The following MGMT variants were observed in gnomAD, a reference collection of about 807,000 sequenced individuals.
MGMT encodes methylated-DNA--protein-cysteine methyltransferase.
A neutral mutation model predicts 15.9 loss-of-function variants in MGMT; 14 were observed. The observed-to-expected ratio is 0.88, with a 90% CI of 0.58 to 1.37. MGMT has a LOEUF of 1.37. MGMT is among the 40% of genes most tolerant of loss of function. MGMT has a pLI of 0.00. For synonymous variants in MGMT, 130 were observed against 118.2 expected, an observed-to-expected ratio of 1.10 and a Z score of -0.65; for missense variants, 282 against 268.1, an observed-to-expected ratio of 1.05 and a Z score of -0.36.
intron 2 of MGMT, among the ~76,000 whole-genome samples, chr10:129,627,771 G>A (rs545702765): frequency 1.3e-5 from 2 of 152,300 alleles, no homozygotes; most frequent in East Asian, 3.9e-4. Flanking sequence ...ACACTCGACT[G>A]TCATCTAAGT....
intron 2 of MGMT, among the ~76,000 whole-genome samples, chr10:129,594,996 A>G (rs1174970203): frequency 6.6e-6 from 1 of 151,744 alleles, no homozygotes; most frequent in African/African-American, 2.4e-5. Flanking sequence ...GCAGCGCCCC[A>G]CGTCTCACGG....
At position 129,768,685 on chromosome 10, in the gene MGMT, G is replaced by A. The variant is rs1238723845; in HGVS notation, c.*1688G>A. ...GCAGCAGCTTGGGGCCTGGTGGCCC[G>A]GGTGTGCGAGCCGCGAGTGCTTTCC... On this transcript the variant is annotated 3_prime_UTR_variant, in exon 5 of 5. Transcript: ENST00000651593. Among the ~76,000 whole-genome samples the A allele has an allele frequency of 6.6e-6, 1 of 152,220 alleles. No individual in the cohort carries two copies. The highest frequency in any genetic ancestry group is 1.5e-5 in the Non-Finnish European group (1 of 68,046).
chr10:129,584,691 T>C (rs1213523518), intron 2 of MGMT, among the ~76,000 whole-genome samples: 1 of 152,150 alleles, frequency 6.6e-6, no homozygotes, highest in African/African-American at 2.4e-5. Flanking sequence ...TGTCTGTGTC[T>C]GTGGTTTTCC....
chr10:129,614,275 A>G (rs1015757317), intron 2 of MGMT, among the ~76,000 whole-genome samples: 1 of 152,160 alleles, frequency 6.6e-6, no homozygotes, highest in Admixed American at 6.5e-5. Context: ...CTCAGGCTGG[A>G]TATGGGCTCT....
At chr10:129,739,300 T>C (rs1462447931) in intron 3 of MGMT, among the ~76,000 whole-genome samples, 3 of 152,310 alleles carry the variant, frequency 2.0e-5, no homozygotes, top group East Asian at 3.9e-4. Context: ...AAGTTCTGGC[T>C]AGGGCAATCA....
At chr10:129,611,744 G>T (rs932330344) in intron 2 of MGMT, among the ~76,000 whole-genome samples, 5 of 152,170 alleles carry the variant, frequency 3.3e-5, no homozygotes, top group African/African-American at 9.7e-5. Context: ...TGCGCTCTGG[G>T]GGGGCCATAA....
Position 129,699,552 on chromosome 10 carries a change from T to C in MGMT, c.126-8343T>C, listed in dbSNP as rs144149374. Among the ~76,000 whole-genome samples, 9 of 152,256 alleles carry C rather than the reference T, an allele frequency of 5.9e-5. No individual in the cohort carries two copies. The East Asian group carries it at 1.7e-3, about 29-fold the overall frequency. On this transcript the variant is annotated intron_variant, in intron 2 of 4. Transcript: ENST00000651593. ...AAATGGCCTCTTTCTCCTCTTCACA[T>C]TATTGACATTAGTACATGAACCCGT...
rs143479844 is a variant in MGMT, at chr10:129,770,073, A to G, written c.*3076A>G. ...TCGGGTGGCTGGATGATGTGCTAGCAACTGAAACCATCTCTGCGACTTAAG... is the reference window on the plus strand; with the variant it reads ...TCGGGTGGCTGGATGATGTGCTAGCGACTGAAACCATCTCTGCGACTTAAG... On this transcript the variant is annotated 3_prime_UTR_variant, in exon 5 of 5. Transcript: ENST00000651593. 6.6e-6 allele frequency among the ~76,000 whole-genome samples: 1 copy of G among 152,248 alleles called. No homozygotes were observed. Among genetic ancestry groups the G allele is most frequent in the Admixed American group, 6.5e-5 (1 of 15,286 alleles).
chr10:129,628,574 A>G (rs550385453), intron 2 of MGMT, among the ~76,000 whole-genome samples: 4 of 152,162 alleles, frequency 2.6e-5, no homozygotes, highest in African/African-American at 7.2e-5. Flanking sequence ...CCTGAACAGA[A>G]TCATTTGGCA....
At chr10:129,677,656 C>T (rs1847800834) in intron 2 of MGMT, among the ~76,000 whole-genome samples, 1 of 152,246 alleles carries the variant, frequency 6.6e-6, no homozygotes, top group African/African-American at 2.4e-5. Context: ...CCTCCTCGTC[C>T]CTGCTCTAAC....
chr10:129,768,031 G>A lies in MGMT; in HGVS notation c.*1034G>A, dbSNP rs1328356280. 2 of 152,250 alleles carry A rather than the reference G, an allele frequency of 1.3e-5. No homozygotes were observed. Among genetic ancestry groups the A allele is most frequent in the East Asian group, 1.9e-4 (1 of 5,194 alleles). The allele number at this position is 152,250 out of a possible 1,614,324, so 9.4% of individuals were successfully genotyped here. A position where few individuals can be genotyped will look rare whatever the true frequency, so the allele number is the denominator to read the frequency against. On this transcript the variant is annotated 3_prime_UTR_variant, in exon 5 of 5. Coordinates refer to ENST00000651593, the MANE Select transcript of MGMT (RefSeq NM_002412.5). ...GGAGAAATAAAACAGAGCATATGAT[G>A]TATAGAGAAAATGAACTGCACCCAG...
At chr10:129,734,461 C>A (rs904141199) in intron 3 of MGMT, among the ~76,000 whole-genome samples, 10 of 150,998 alleles carry the variant, frequency 6.6e-5, no homozygotes, top group African/African-American at 2.4e-4. Context: ...AGATTTTGGG[C>A]TGAGACAGTG....
At chr10:129,763,228 A>AGAC (rs1156671399) in intron 4 of MGMT, among the ~76,000 whole-genome samples, 1 of 152,232 alleles carries the variant, frequency 6.6e-6, no homozygotes, top group Non-Finnish European at 1.5e-5. Flanking sequence ...GATAAAAATT[A>AGAC]CATTTTATGC....
At chr10:129,569,704 G>A (rs1321269469) in intron 2 of MGMT, among the ~76,000 whole-genome samples, 1 of 152,154 alleles carries the variant, frequency 6.6e-6, no homozygotes, top group Admixed American at 6.5e-5. Context: ...CTGACCTTGT[G>A]CATCAGGGAG....
intron 2 of MGMT, among the ~76,000 whole-genome samples, chr10:129,619,707 A>C (rs377690497): frequency 1.7e-3 from 262 of 151,922 alleles, no homozygotes; most frequent in African/African-American, 6.0e-3. Flanking sequence ...CTGTCTTTCA[A>C]AGAGTTTGTT....
chr10:129,672,233 C>A (rs1383945773), intron 2 of MGMT, among the ~76,000 whole-genome samples: 1 of 152,198 alleles, frequency 6.6e-6, no homozygotes, highest in Non-Finnish European at 1.5e-5. Context: ...GATACTGTGA[C>A]TTTTTCTTCA....
intron 3 of MGMT, among the ~76,000 whole-genome samples, chr10:129,737,224 A>G (rs1197524503): frequency 6.6e-6 from 1 of 152,200 alleles, no homozygotes; most frequent in Non-Finnish European, 1.5e-5. Context: ...GTATTTTCAC[A>G]TAGTCCCATA....
In MGMT at chr10:129,536,392, AC is replaced by A; in HGVS notation, c.125+16del. 1 of 1,608,864 alleles carries A rather than the reference AC, an allele frequency of 6.2e-7. No homozygotes were observed. The highest frequency in any genetic ancestry group is 1.3e-5 in the African/African-American group (1 of 74,536). ...TCTGCAGCTGAGTAAGTATGAGCCC[AC>A]GTGATCCTGTATACCGCACATGCTG... On this transcript the variant is annotated intron_variant, in intron 2 of 4. Coordinates refer to ENST00000651593, the MANE Select transcript of MGMT (RefSeq NM_002412.5).
Position 129,659,632 on chromosome 10 carries a change from G to A in MGMT, c.126-48263G>A, listed in dbSNP as rs1163132124. ...GGGTGAGGAAGTAGCATGTACAAAG[G>A]CCCTGAAGATGAATGACTGTGTGAA... On this transcript the variant is annotated intron_variant, in intron 2 of 4. Transcript: ENST00000651593. The surrounding 1 kb of genome is among the most constrained non-coding windows in gnomAD (Gnocchi z 4.1). 9.2e-5 allele frequency among the ~76,000 whole-genome samples: 14 copies of A among 152,168 alleles called. No individual in the cohort carries two copies. The highest frequency in any genetic ancestry group is 9.2e-4 in the Admixed American group (14 of 15,278).
Sources: gnomAD v4.1 joint callset for allele counts (sites outside exome capture counted in the v4.1 genomes callset) on GRCh38, gnomAD v4.1.1 for gene constraint, Gnocchi (gnomAD v3.1) non-coding constraint, MANE v1.5 for transcripts, NCBI Gene and HGNC (gene_info 2026-07-23, HGNC 2026-07-21) for gene names.